EYS: variants seen among roughly 807,000 people sequenced by gnomAD.
The protein encoded by EYS is EGF-like photoreceptor maintenance factor.
EYS carries 250 observed loss-of-function variants against 282.1 expected under a neutral mutation model. The observed-to-expected ratio is 0.89, with a 90% CI of 0.80 to 0.98. EYS has a LOEUF of 0.98. Ranked by LOEUF, EYS falls within the 50% of genes least tolerant of loss-of-function variation. The pLI is 0.00. For synonymous variants in EYS, 1,355 were observed against 1,282.9 expected, an observed-to-expected ratio of 1.06 and a Z score of -1.20; for missense variants, 4,016 against 3,709.0, an observed-to-expected ratio of 1.08 and a Z score of -2.15.
At chr6:65,360,777 C>A (rs553733123) in intron 8 of EYS, among the ~76,000 whole-genome samples, 1 of 152,250 alleles carries the variant, frequency 6.6e-6, no homozygotes, top group East Asian at 1.9e-4. Flanking sequence ...TGTTTACAGT[C>A]ATTCCAAGAA....
At chr6:63,799,725 G>T (rs1253594976) in intron 37 of EYS, among the ~76,000 whole-genome samples, 1 of 152,226 alleles carries the variant, frequency 6.6e-6, no homozygotes, top group East Asian at 1.9e-4. Flanking sequence ...ATTCAAAGCA[G>T]TGATTGTAAA....
At chr6:65,042,502 TA>T (rs1394560631) in intron 13 of EYS, among the ~76,000 whole-genome samples, 1 of 151,526 alleles carries the variant, frequency 6.6e-6, no homozygotes, top group Non-Finnish European at 1.5e-5. Context: ...CATCCCTTTT[TA>T]AATTTTTTTT....
At chr6:64,826,730 CTG>C (rs1765072243) in intron 19 of EYS, among the ~76,000 whole-genome samples, 2 of 148,950 alleles carry the variant, frequency 1.3e-5, no homozygotes, top group African/African-American at 4.9e-5. Flanking sequence ...TTTTTTCAGA[CTG>C]TGTTTTTTTT....
intron 13 of EYS, among the ~76,000 whole-genome samples, chr6:65,031,030 C>A (rs1310498527): frequency 6.6e-6 from 1 of 151,550 alleles, no homozygotes; most frequent in African/African-American, 2.4e-5. Context: ...GATTTTAAAC[C>A]AGCAAAGATA....
At chr6:63,884,190 A>T (rs1581932232) in intron 35 of EYS, among the ~76,000 whole-genome samples, 1 of 152,226 alleles carries the variant, frequency 6.6e-6, no homozygotes, top group East Asian at 1.9e-4. Flanking sequence ...TCAAGGTGGG[A>T]TAATAGAATA....
chr6:64,695,829 T>A (rs779881333), intron 22 of EYS, among the ~76,000 whole-genome samples: 52 of 151,954 alleles, frequency 3.4e-4, no homozygotes, highest in Non-Finnish European at 6.8e-4. Context: ...ATACTTAATA[T>A]ATATCATAGA....
chr6:64,155,344 A>T (rs77893867), intron 31 of EYS, among the ~76,000 whole-genome samples: 2 of 146,588 alleles, frequency 1.4e-5, no homozygotes, highest in South Asian at 2.2e-4. Context: ...GCAGCACATA[A>T]TTTTTTTTTT....
intron 36 of EYS, among the ~76,000 whole-genome samples, chr6:63,841,594 GT>G (rs1338915091): frequency 6.6e-6 from 1 of 151,944 alleles, no homozygotes; most frequent in African/African-American, 2.4e-5. Context: ...TGACTTCTTT[GT>G]TTCTTCACCT....
At position 64,051,027 on chromosome 6, in the gene EYS, T is replaced by A. The variant is rs1027987158; in HGVS notation, c.6725+15311A>T. Among the ~76,000 whole-genome samples, 3 of 152,180 alleles carry A rather than the reference T, an allele frequency of 2.0e-5. No individual in the cohort carries two copies. The East Asian group carries it at 5.8e-4, about 29-fold the overall frequency. On this transcript the variant is annotated intron_variant, in intron 33 of 42. Coordinates refer to ENST00000503581, the MANE Select transcript of EYS (RefSeq NM_001142800.2). ...ACTGAATTCCATTGTCTCTGATAGA[T>A]TATCTGGTAGCTGATACGTTGAATG... is the stretch of plus-strand genomic sequence containing the variant.
intron 35 of EYS, among the ~76,000 whole-genome samples, chr6:63,908,036 TTGTGTGTG>T (rs59753065): frequency 0.019 from 1,497 of 79,280 alleles, 40 homozygotes; most frequent in African/African-American, 0.059. Flanking sequence ...ATATATACGT[TTGTGTGTG>T]TGTGTGTGTG....
In EYS at chr6:64,230,752, G is replaced by A; in HGVS notation, c.6264C>T (p.Thr2088=). ...CAGAGGGGCTGACAGAAGTCCACAT[G>A]GTATCAACCCCTTGTGTCACATCAG... is the stretch of plus-strand genomic sequence containing the variant. The part of the protein sequence containing the change: ...DASDVTQGVD[T]MWTSVSPSVA... Residue 2088 remains threonine (T), a synonymous_variant, in exon 31 of 43, where the codon ACC becomes ACT. Transcript: ENST00000503581. 1 of 1,551,488 alleles carries A rather than the reference G, an allele frequency of 6.4e-7. No individual in the cohort carries two copies. The highest frequency in any genetic ancestry group is 8.7e-7 in the Non-Finnish European group (1 of 1,146,876).
chr6:64,921,510 G>A (rs1768346089), intron 15 of EYS, among the ~76,000 whole-genome samples: 1 of 152,102 alleles, frequency 6.6e-6, no homozygotes, highest in Non-Finnish European at 1.5e-5. Flanking sequence ...TGTCTCACAG[G>A]GGTTATGTGG....
In EYS at chr6:63,720,254, C is replaced by T. The variant is rs1027520747; in HGVS notation, c.*342G>A. ...TTTAAACATTTTAAAGTTCAGCTTA[C>T]ACATTGATTTTTAAAATTGTGTTTA... is the stretch of plus-strand genomic sequence containing the variant. On this transcript the variant is annotated 3_prime_UTR_variant, in exon 43 of 43. Transcript: ENST00000503581. 6.1e-6 allele frequency: 2 copies of T among 329,722 alleles called. No individual in the cohort carries two copies. Among genetic ancestry groups the T allele is most frequent in the Non-Finnish European group, 1.1e-5 (2 of 181,892 alleles). 20.4% of individuals were successfully genotyped at this position (329,722 alleles called of 1,614,324 possible).
intron 10 of EYS, among the ~76,000 whole-genome samples, chr6:65,341,377 A>G (rs1450582845): frequency 6.6e-6 from 1 of 151,074 alleles, no homozygotes; most frequent in African/African-American, 2.4e-5. Context: ...CTCCCCTCAT[A>G]TTGTAAGCCA....
chr6:64,777,042 G>A (rs892224799), intron 22 of EYS, among the ~76,000 whole-genome samples: 1 of 152,168 alleles, frequency 6.6e-6, no homozygotes, highest in African/African-American at 2.4e-5. Flanking sequence ...GAGAGAATGA[G>A]AGCCCAGTGA....
At chr6:65,513,293 A>G (rs1006292481) in intron 2 of EYS, among the ~76,000 whole-genome samples, 14 of 152,128 alleles carry the variant, frequency 9.2e-5, no homozygotes, top group African/African-American at 3.4e-4. Context: ...TTGTGGCAAT[A>G]ATCAATAGCT....
intron 12 of EYS, among the ~76,000 whole-genome samples, chr6:65,168,435 C>A (rs967983352): frequency 6.6e-6 from 1 of 151,256 alleles, no homozygotes; most frequent in Non-Finnish European, 1.5e-5. Flanking sequence ...GATCAAGGCA[C>A]CAGCAGACTC....
intron 5 of EYS, among the ~76,000 whole-genome samples, chr6:65,473,479 T>A (rs1389474015): frequency 6.6e-6 from 1 of 151,918 alleles, no homozygotes; most frequent in East Asian, 1.9e-4. Flanking sequence ...ATAAAAAATG[T>A]TGGGATTTCC....
chr6:64,374,417 G>T (rs368697881), intron 29 of EYS, among the ~76,000 whole-genome samples: 1 of 151,982 alleles, frequency 6.6e-6, no homozygotes. Flanking sequence ...TGGTGGGTGT[G>T]GGGTGGGTGC....
Sources: gnomAD v4.1 joint callset for allele counts (sites outside exome capture counted in the v4.1 genomes callset) on GRCh38, gnomAD v4.1.1 for gene constraint, MANE v1.5 for transcripts, NCBI Gene and HGNC (gene_info 2026-07-23, HGNC 2026-07-21) for gene names.